The following CCDC171 variants were observed in gnomAD, a reference collection of about 807,000 sequenced individuals.
CCDC171 encodes coiled-coil domain containing 171.
In CCDC171, 177 loss-of-function variants were observed where a neutral mutation model predicts 168.2. The observed-to-expected ratio is 1.05, with a 90% CI of 0.93 to 1.19. The LOEUF (loss-of-function observed/expected upper bound fraction) is 1.19. CCDC171 is among the 50% of genes most tolerant of loss of function. CCDC171 has a pLI of 0.00. For synonymous variants in CCDC171, 687 were observed against 540.8 expected (o/e 1.27, Z -3.75); for missense variants, 1,991 against 1,539.0 (o/e 1.29, Z -4.91).
chr9:15,989,762 C>T (rs375324040), intron 3 of CCDC171, among the ~76,000 whole-genome samples: 14 of 152,134 alleles, frequency 9.2e-5, no homozygotes, highest in African/African-American at 2.4e-4. Context: ...AACCCTGGCA[C>T]GAGAACTAGG....
At chr9:15,830,584 C>A (rs1295588862) in intron 21 of CCDC171, among the ~76,000 whole-genome samples, 1 of 152,118 alleles carries the variant, frequency 6.6e-6, no homozygotes, top group Non-Finnish European at 1.5e-5. Context: ...TTAATGCAAT[C>A]CGCTTTACCA....
intron 7 of CCDC171, among the ~76,000 whole-genome samples, chr9:15,650,966 T>C (rs1029590743): frequency 2.6e-5 from 4 of 152,120 alleles, no homozygotes; most frequent in African/African-American, 9.7e-5. Flanking sequence ...TCCTTCTAAC[T>C]GTATGTTTGT....
At chr9:15,557,263 TC>T (rs1340388625) in intron 1 of CCDC171, among the ~76,000 whole-genome samples, 1 of 152,168 alleles carries the variant, frequency 6.6e-6, no homozygotes. Flanking sequence ...AGTAGTTTTT[TC>T]CAATTCTGTG....
intron 23 of CCDC171, among the ~76,000 whole-genome samples, chr9:15,853,476 C>T (rs779553563): frequency 1.3e-5 from 2 of 151,454 alleles, no homozygotes; most frequent in African/African-American, 4.8e-5. Flanking sequence ...TTTATTAGCT[C>T]TAGTAGTTTT....
chr9:16,090,767 G>A, the CCDC171 span, among the ~76,000 whole-genome samples: 2 of 152,060 alleles, frequency 1.3e-5, no homozygotes, highest in Non-Finnish European at 2.9e-5. Context: ...GCTAAGAGTA[G>A]GAGCTATATT....
chr9:15,603,566 C>T (rs2043015533), intron 6 of CCDC171, among the ~76,000 whole-genome samples: 1 of 152,136 alleles, frequency 6.6e-6, no homozygotes, highest in South Asian at 2.1e-4. Context: ...TATCCATGTC[C>T]CTGCAAAAGA....
chr9:15,664,373 C>T (rs963195193), intron 8 of CCDC171, among the ~76,000 whole-genome samples: 1 of 152,100 alleles, frequency 6.6e-6, no homozygotes, highest in Non-Finnish European at 1.5e-5. Context: ...CTCTGTCCCC[C>T]AAGTAGCCGG....
Position 15,784,622 on chromosome 9 carries a change from A to G in CCDC171, c.3195A>G (p.Glu1065=), listed in dbSNP as rs2057841214. The G allele has an allele frequency of 1.2e-6, 2 of 1,613,352 alleles. No homozygotes were observed. Among genetic ancestry groups the G allele is most frequent in the African/African-American group, 1.3e-5 (1 of 74,906 alleles). Residue 1065 remains glutamate (E), a synonymous_variant, in exon 21 of 26, where the codon GAA becomes GAG. Coordinates refer to ENST00000380701, the MANE Select transcript of CCDC171 (RefSeq NM_173550.4). The stretch of plus-strand genomic sequence containing the variant: ...ATGAACAGGCACAACAACTACAGGA[A>G]TTGAATTATAAACTTGAATTGCACT... ...LLNEQAQQLQ[E]LNYKLELHSS...
chr9:16,034,465 C>G (rs771160858), intron 6 of CCDC171, among the ~76,000 whole-genome samples: 1 of 152,190 alleles, frequency 6.6e-6, no homozygotes, highest in Non-Finnish European at 1.5e-5. Flanking sequence ...AGATCTCACA[C>G]ATTTTTTCCA....
chr9:16,044,184 G>A (rs1359957), intron 1 of CCDC171, among the ~76,000 whole-genome samples: 57,013 of 152,090 alleles, frequency 0.37, 13,380 homozygotes, highest in East Asian at 0.73. Context: ...AGGGAGGCTG[G>A]GGGTGGTAGT....
rs115861019 is a variant in CCDC171 at position 15,855,017 on chromosome 9, A to C, written c.3468+6070A>C. On this transcript the variant is annotated intron_variant, in intron 23 of 25. Transcript: ENST00000380701. The stretch of plus-strand genomic sequence containing the variant: ...CTCCAATATATGGTCTGTCTTTCTG[A>C]AAGTTAAATGTGCATTTTAAAAGAA... Among the ~76,000 whole-genome samples the C allele has an allele frequency of 6.0e-3, 913 of 151,750 alleles. 10 individuals are homozygous for C. The highest frequency in any genetic ancestry group is 0.021 in the African/African-American group (890 of 41,448).
intron 7 of CCDC171, among the ~76,000 whole-genome samples, chr9:15,630,676 C>G (rs923685504): frequency 1.3e-4 from 20 of 152,292 alleles, no homozygotes; most frequent in African/African-American, 4.6e-4. Context: ...CCAAGCAGAC[C>G]TAATAGACAT....
At chr9:15,775,817 G>C (rs2057294122) in intron 18 of CCDC171, among the ~76,000 whole-genome samples, 1 of 152,018 alleles carries the variant, frequency 6.6e-6, no homozygotes, top group Non-Finnish European at 1.5e-5. Flanking sequence ...AGTAGCTATG[G>C]AAATAAAAAG....
intron 23 of CCDC171, among the ~76,000 whole-genome samples, chr9:15,851,182 C>A (rs1226295893): frequency 2.6e-5 from 4 of 151,830 alleles, no homozygotes; most frequent in African/African-American, 9.7e-5. Context: ...AGTTTTTAAG[C>A]AACATATTTC....
intron 23 of CCDC171, among the ~76,000 whole-genome samples, chr9:15,852,997 A>G (rs2061199308): frequency 6.6e-6 from 1 of 151,570 alleles, no homozygotes; most frequent in African/African-American, 2.4e-5. Flanking sequence ...GTTTTCTATT[A>G]AGTTTTGAAA....
chr9:15,811,959 A>C (rs920202236), intron 21 of CCDC171, among the ~76,000 whole-genome samples: 1 of 152,210 alleles, frequency 6.6e-6, no homozygotes, highest in African/African-American at 2.4e-5. Flanking sequence ...AAAACATTTG[A>C]TAAAACTGTA....
chr9:15,684,882 C>A (rs1255253313), intron 10 of CCDC171, among the ~76,000 whole-genome samples: 4 of 152,076 alleles, frequency 2.6e-5, no homozygotes, highest in South Asian at 4.1e-4. Context: ...TTTTTAGTCC[C>A]CTGTTTACAC....
In CCDC171 at chr9:15,935,780, C is replaced by T. The variant is rs564126709; in HGVS notation, c.3753+15358C>T. On this transcript the variant is annotated intron_variant, in intron 25 of 25. Coordinates refer to ENST00000380701, the MANE Select transcript of CCDC171 (RefSeq NM_173550.4). ...GAATGTGAACTTTTAACTCATCAGA[C>T]TGTTGTAACATATTTGAAAATTATA... 1.3e-3 allele frequency among the ~76,000 whole-genome samples: 204 copies of T among 152,138 alleles called. 1 individual carries two copies. Among genetic ancestry groups the T allele is most frequent in the African/African-American group, 4.8e-3 (200 of 41,552 alleles).
intron 6 of CCDC171, among the ~76,000 whole-genome samples, chr9:16,025,843 T>C (rs1043585808): frequency 6.6e-6 from 1 of 152,168 alleles, no homozygotes; most frequent in African/African-American, 2.4e-5. Context: ...TTGGGAGTGA[T>C]GAAATGTTCT....
Sources: allele counts gnomAD v4.1 joint callset (sites outside exome capture counted in the v4.1 genomes callset), GRCh38; gene constraint gnomAD v4.1.1; transcripts MANE v1.5; gene names NCBI Gene and HGNC (gene_info 2026-07-23, HGNC 2026-07-21).